PABPN1: variants seen among roughly 807,000 people sequenced by gnomAD.
The protein encoded by PABPN1 is poly(A) binding protein nuclear 1.
Under a neutral mutation model 33.4 loss-of-function variants are expected in PABPN1, and 5 were observed. That is an observed-to-expected ratio of 0.15 (90% CI 0.08 to 0.32). The LOEUF (loss-of-function observed/expected upper bound fraction) is 0.32, where lower values mean the gene tolerates loss of function less well. Ranked by LOEUF, PABPN1 falls within the 10% of genes least tolerant of loss-of-function variation. PABPN1 has a pLI of 1.00. For missense variants in PABPN1, 312 were observed against 425.8 expected (o/e 0.73, Z 2.35); for synonymous variants, 176 against 170.6 (o/e 1.03, Z -0.25).
chr14:23,321,748 C>T lies in PABPN1; in HGVS notation c.279C>T (p.Pro93=), dbSNP rs776001430. Reference sequence around the variant, plus strand: ...GCCCTGGGCCTGGTTCGGGAGCCCCCGGCAGCCAAGAGGAGGAGGAGGAGC... The same window carrying T: ...GCCCTGGGCCTGGTTCGGGAGCCCCTGGCAGCCAAGAGGAGGAGGAGGAGC... The part of the protein sequence containing the change: ...APGPGPGSGA[P]GSQEEEEEPG... Residue 93 remains proline, a synonymous_variant, in exon 1 of 7, where the codon CCC becomes CCT. Transcript: ENST00000216727. The T allele has an allele frequency of 1.1e-5, 17 of 1,539,572 alleles. No homozygotes were observed. In the African/African-American group the frequency reaches 1.9e-4, roughly 18 times the overall value.
At chr14:23,324,513 C>T (rs914706552) in intron 6 of PABPN1, 3 of 622,338 alleles carry the variant, frequency 4.8e-6, no homozygotes, top group Admixed American at 5.8e-5. Flanking sequence ...TGCATCCCTC[C>T]CTTGGTTCAA....
intron 2 of PABPN1, 92 bp downstream of exon 2, chr14:23,322,387 C>T (rs1482330479): frequency 9.1e-7 from 1 of 1,096,890 alleles, no homozygotes; most frequent in East Asian, 2.6e-5. Context: ...TACTCGGCAC[C>T]CTGGAGCTGC....
At chr14:23,322,538 T>TA in intron 2 of PABPN1, 1 of 545,374 alleles carries the variant, frequency 1.8e-6, no homozygotes, top group Admixed American at 3.0e-5. Context: ...TCTTTGTTCT[T>TA]AGTCTACGTC....
intron 2 of PABPN1, 105 bp from the exon 3 acceptor site, chr14:23,322,894 G>T: frequency 6.6e-7 from 1 of 1,509,262 alleles, no homozygotes; most frequent in Middle Eastern, 1.7e-4. Context: ...CAAAATCTTT[G>T]CCTTCACTGA....
chr14:23,324,350 C>T, intron 6 of PABPN1, 61 bp downstream of exon 6: 2 of 1,599,470 alleles, frequency 1.3e-6, no homozygotes, highest in Non-Finnish European at 1.7e-6. Flanking sequence ...ATGCTTCCTC[C>T]TCTCTGGTCT....
chr14:23,323,369 CTCA>C lies in PABPN1; in HGVS notation c.535-4_535-2del, dbSNP rs1566468835. On this transcript the variant is annotated splice_polypyrimidine_tract_variant and splice_region_variant and intron_variant, in intron 3 of 6. Transcript: ENST00000216727. ...CTGGTGCCTGTGAAATTTTTCTCCTCTCATCAGGTGGACTATGGTGCAACAGCA... is the reference window on the plus strand; with the variant it reads ...CTGGTGCCTGTGAAATTTTTCTCCTCTCAGGTGGACTATGGTGCAACAGCA... 3.1e-6 allele frequency: 5 copies of C among 1,612,602 alleles called. No homozygotes were observed. Among genetic ancestry groups the C allele is most frequent in the African/African-American group, 1.3e-5 (1 of 74,872 alleles).
chr14:23,325,345 G>GA lies in PABPN1; in HGVS notation c.*61dup. On this transcript the variant is annotated 3_prime_UTR_variant, in exon 7 of 7. Transcript: ENST00000216727. ...AAAGAGGAAAGAAGGAAAAAAAAAA[G>GA]AATTAAAAAAAAAAAAAAGAAAAAC... 9.0e-7 allele frequency: 1 copy of GA among 1,115,724 alleles called. No individual in the cohort carries two copies. Among genetic ancestry groups the GA allele is most frequent in the Non-Finnish European group, 1.2e-6 (1 of 850,338 alleles). The allele number at this position is 1,115,724 out of a possible 1,614,324, so 69.1% of individuals were successfully genotyped here. A position where few individuals can be genotyped will look rare whatever the true frequency, so the allele number is the denominator to read the frequency against.
At chr14:23,325,215 C>G in intron 6 of PABPN1, 32 bp from the exon 7 acceptor site, 1 of 1,613,336 alleles carries the variant, frequency 6.2e-7, no homozygotes, top group South Asian at 1.1e-5. Context: ...CTAGTGATCA[C>G]GTTAACACCT....
chr14:23,321,471 TGGCGGCGGC>T lies in PABPN1; in HGVS notation c.15_23del (p.AlaAlaAla9_?11), dbSNP rs193922941. 1.0e-5 allele frequency: 12 copies of T among 1,155,608 alleles called. No individual in the cohort carries two copies. Among genetic ancestry groups the T allele is most frequent in the Non-Finnish European group, 1.2e-5 (11 of 941,004 alleles). 71.6% of individuals were successfully genotyped at this position (1,155,608 alleles called of 1,614,324 possible). On this transcript the variant is annotated start_lost and inframe_deletion, in exon 1 of 7. Transcript: ENST00000216727. ...CGGCGGGCCCCAGTCTGAGCGGCGA[TGGCGGCGGC>T]GGCGGCGGCGGCAGCAGCAGCGGGG...
Position 23,321,768 on chromosome 14 carries a change from A to G in PABPN1, c.299A>G (p.Glu100Gly). 2.0e-6 allele frequency: 3 copies of G among 1,533,462 alleles called. No individual in the cohort carries two copies. The highest frequency in any genetic ancestry group is 2.6e-6 in the Non-Finnish European group (3 of 1,139,944). The allele number at this position is 1,533,462 out of a possible 1,614,324, so 95.0% of individuals were successfully genotyped here. A position where few individuals can be genotyped will look rare whatever the true frequency, so the allele number is the denominator to read the frequency against. Residue 100 changes from glutamate to glycine, a missense_variant, in exon 1 of 7, where the codon GAG (glutamate) becomes GGG (glycine). This residue lies in a region of PABPN1 where 167 missense variants were observed against 168.9 expected (regional missense o/e 0.99). Transcript: ENST00000216727. ...GCCCCCGGCAGCCAAGAGGAGGAGGAGGAGCCGGGACTGGTCGAGGGTGAC... is the reference window on the plus strand; with the variant it reads ...GCCCCCGGCAGCCAAGAGGAGGAGGGGGAGCCGGGACTGGTCGAGGGTGAC... ...SGAPGSQEEEEEPGLVEGDPG... is the reference protein window; with the variant it reads ...SGAPGSQEEEGEPGLVEGDPG...
Position 23,321,670 on chromosome 14 carries a change from G to C in PABPN1, c.201G>C (p.Glu67Asp). The change falls in exon 1 of 7, where the codon GAG becomes GAC. Residue 67 changes from glutamate to aspartate, a missense_variant. By Grantham distance (45) the Glu-to-Asp change is conservative. This residue lies in a region of PABPN1 where 167 missense variants were observed against 168.9 expected (regional missense o/e 0.99). Coordinates refer to ENST00000216727, the MANE Select transcript of PABPN1 (RefSeq NM_004643.4). ...PEELLLEPEP[E>D]PEPEEEPPRP... Reference sequence around the variant, plus strand: ...AGCTGCTGCTGGAGCCCGAGCCGGAGCCCGAGCCCGAAGAGGAGCCGCCCC... The same window carrying C: ...AGCTGCTGCTGGAGCCCGAGCCGGACCCCGAGCCCGAAGAGGAGCCGCCCC... 6.6e-7 allele frequency: 1 copy of C among 1,521,114 alleles called. No individual in the cohort carries two copies. Among genetic ancestry groups the C allele is most frequent in the Non-Finnish European group, 8.9e-7 (1 of 1,123,826 alleles). 94.2% of individuals were successfully genotyped at this position (1,521,114 alleles called of 1,614,324 possible). A position where few individuals can be genotyped will look rare whatever the true frequency, so the allele number is the denominator to read the frequency against.
At chr14:23,325,206 T>C (rs755560751) in intron 6 of PABPN1, 41 bp from the exon 7 acceptor site, 7 of 1,613,380 alleles carry the variant, frequency 4.3e-6, no homozygotes, top group Non-Finnish European at 5.1e-6. Context: ...CTGAACTATC[T>C]AGTGATCACG....
In PABPN1 at chr14:23,322,315, ACGCGGAGCCCGGGTTCT is replaced by A. The variant is rs765076157; in HGVS notation, c.466+23_466+39del. The A allele has an allele frequency of 6.3e-7, 1 of 1,580,256 alleles. No homozygotes were observed. The highest frequency in any genetic ancestry group is 1.2e-5 in the South Asian group (1 of 86,580). On this transcript the variant is annotated intron_variant, in intron 2 of 6. Transcript: ENST00000216727. ...GCAATGGTGAGTAACTGGCGGTTGC[ACGCGGAGCCCGGGTTCT>A]CGGGTTGGAAGGGTTGTGGGGAGGA... is the stretch of plus-strand genomic sequence containing the variant.
rs1421430721 is a variant in PABPN1 at position 23,325,646 on chromosome 14, A to G, written c.*360A>G. The G allele has an allele frequency of 8.9e-6, 2 of 225,842 alleles. No individual in the cohort carries two copies. Among genetic ancestry groups the G allele is most frequent in the Non-Finnish European group, 1.7e-5 (2 of 115,044 alleles). 14.0% of individuals were successfully genotyped at this position (225,842 alleles called of 1,614,324 possible). On this transcript the variant is annotated 3_prime_UTR_variant, in exon 7 of 7. Coordinates refer to ENST00000216727, the MANE Select transcript of PABPN1 (RefSeq NM_004643.4). ...TGGGTGGTAGGAGGTTTTTTTTTTTACCCAGGGCTCTGGAAGGACACCAAA... is the reference window on the plus strand; with the variant it reads ...TGGGTGGTAGGAGGTTTTTTTTTTTGCCCAGGGCTCTGGAAGGACACCAAA...
intron 2 of PABPN1, chr14:23,322,662 C>T (rs1888405896): frequency 2.2e-6 from 1 of 461,884 alleles, no homozygotes; most frequent in African/African-American, 2.0e-5. Flanking sequence ...AGGGGTTTCC[C>T]CTTTAATCTA....
intron 6 of PABPN1, chr14:23,325,008 C>A: frequency 2.1e-6 from 1 of 481,376 alleles, no homozygotes; most frequent in South Asian, 3.7e-5. Context: ...CCCTGTCTCT[C>A]ACTCAGATGC....
chr14:23,322,697 A>C, intron 2 of PABPN1: 1 of 481,602 alleles, frequency 2.1e-6, no homozygotes, highest in Non-Finnish European at 3.8e-6. Context: ...CAGCCCACTT[A>C]ATTTTGCTCA....
At chr14:23,322,371 G>C (rs1257127298) in intron 2 of PABPN1, 76 bp downstream of exon 2, 5 of 1,329,200 alleles carry the variant, frequency 3.8e-6, no homozygotes, top group Non-Finnish European at 5.3e-6. Flanking sequence ...GGAATGTGGG[G>C]TTAGATACTC....
At position 23,322,303 on chromosome 14, in the gene PABPN1, A is replaced by G. The variant is rs1888366978; in HGVS notation, c.466+8A>G. ...GTCCACCTCCAGGCAATGGTGAGTA[A>G]CTGGCGGTTGCACGCGGAGCCCGGG... On this transcript the variant is annotated splice_region_variant and intron_variant, in intron 2 of 6. Coordinates refer to ENST00000216727, the MANE Select transcript of PABPN1 (RefSeq NM_004643.4). 1 of 1,592,378 alleles carries G rather than the reference A, an allele frequency of 6.3e-7. No individual in the cohort carries two copies. The highest frequency in any genetic ancestry group is 8.6e-7 in the Non-Finnish European group (1 of 1,168,866).
Sources: allele counts gnomAD v4.1 joint callset, GRCh38; gene constraint gnomAD v4.1.1; regional missense constraint gnomAD v4.1.1; transcripts MANE v1.5; gene names NCBI Gene and HGNC (gene_info 2026-07-23, HGNC 2026-07-21).